The following REN variants were observed in gnomAD, a reference collection of about 807,000 sequenced individuals.
The protein encoded by REN is angiotensin-forming enzyme.
Under a neutral mutation model 48.6 loss-of-function variants are expected in REN, and 42 were observed. The ratio of observed to expected loss-of-function variants is 0.86; its 90% CI spans 0.68 to 1.12. REN has a LOEUF of 1.12. Ranked by LOEUF, REN falls within the 50% of genes most tolerant of loss-of-function variation. The pLI is 0.00. For missense variants in REN, 443 were observed against 527.3 expected (o/e 0.84, Z 1.57); for synonymous variants, 196 against 204.6 (o/e 0.96, Z 0.36).
chr1:204,164,814 C>T (rs571423731), intron 1 of REN, among the ~76,000 whole-genome samples: 23 of 152,076 alleles, frequency 1.5e-4, no homozygotes, highest in Admixed American at 5.2e-4. Flanking sequence ...GCGATCTGCC[C>T]ACCTCAGCCT....
At chr1:204,159,366 C>A in intron 5 of REN, 33 bp downstream of exon 5, 1 of 1,598,622 alleles carries the variant, frequency 6.3e-7, no homozygotes, top group East Asian at 2.2e-5. Context: ...CCTCCTGTCC[C>A]CCCACCTCAG....
chr1:204,155,992 G>A lies in REN; in HGVS notation c.961-74C>T, dbSNP rs1287754112. 2.1e-6 allele frequency: 3 copies of A among 1,453,246 alleles called. No homozygotes were observed. In the African/African-American group the frequency reaches 4.2e-5, roughly 20 times the overall value. 90.0% of individuals were successfully genotyped at this position (1,453,246 alleles called of 1,614,324 possible). A position where few individuals can be genotyped will look rare whatever the true frequency, so the allele number is the denominator to read the frequency against. ...GCAGACAAGGAGTCCTGCGCTGGTG[G>A]CCTGGTCTCTCTGCTGGAGAGGGCT... On this transcript the variant is annotated intron_variant, in intron 8 of 9. Transcript: ENST00000272190.
intron 1 of REN, 21 bp from the exon 2 acceptor site, chr1:204,162,184 C>T (rs1047454592): frequency 6.2e-7 from 1 of 1,613,534 alleles, no homozygotes; most frequent in African/African-American, 1.3e-5. Context: ...GTGGAGGAAG[C>T]AAAAATAGAA....
rs763754855 is a variant in REN at position 204,166,211 on chromosome 1, G to T, written c.83C>A (p.Thr28Asn). 5 of 1,614,010 alleles carry T rather than the reference G, an allele frequency of 3.1e-6. No homozygotes were observed. Among genetic ancestry groups the T allele is most frequent in the Non-Finnish European group, 4.2e-6 (5 of 1,179,978 alleles). ...GSCTFGLPTD[T>N]TTFKRIFLKR... ...TACCAATTACCGTTTAAAGGTGGTG[G>T]TGTCTGTCGGGAGACCAAAGGTACA... Residue 28 changes from threonine to asparagine, a missense_variant, in exon 1 of 10, where the codon ACC (threonine) becomes AAC (asparagine). Transcript: ENST00000272190.
chr1:204,161,415 TC>T lies in REN; in HGVS notation c.250-1del, dbSNP rs768026802. 1.3e-6 allele frequency: 2 copies of T among 1,554,126 alleles called. No homozygotes were observed. The highest frequency in any genetic ancestry group is 1.8e-5 in the Admixed American group (1 of 54,740). The stretch of plus-strand genomic sequence containing the variant: ...ATGCCAATCTCGCCATAGTACTGGG[TC>T]TGTGGGGGTAAAAAGAGAGGGCTGG... On this transcript the variant is annotated splice_acceptor_variant, in intron 2 of 9. Transcript: ENST00000272190. LOFTEE classifies it high-confidence loss of function.
chr1:204,154,826 A>T lies in REN; in HGVS notation c.*190T>A. On this transcript the variant is annotated 3_prime_UTR_variant, in exon 10 of 10. Coordinates refer to ENST00000272190, the MANE Select transcript of REN (RefSeq NM_000537.4). ...AACCCAGATGCAACAGGCTGTGAAC[A>T]TGAAGTCTTTATTCTCTTTGTCCTC... is the stretch of plus-strand genomic sequence containing the variant. 3.0e-6 allele frequency: 2 copies of T among 660,704 alleles called. No individual in the cohort carries two copies. Among genetic ancestry groups the T allele is most frequent in the Admixed American group, 4.7e-5 (2 of 42,278 alleles). The allele number at this position is 660,704 out of a possible 1,614,324, so 40.9% of individuals were successfully genotyped here. A position where few individuals can be genotyped will look rare whatever the true frequency, so the allele number is the denominator to read the frequency against.
Position 204,156,258 on chromosome 1 carries a change from C to A in REN, c.880G>T (p.Gly294Cys). Reference sequence around the variant, plus strand: ...GTAGAACCTGAGATGTAGGATGCACCGGTGTCTACCAATGCCAGGCAGCCG... The same window carrying A: ...GTAGAACCTGAGATGTAGGATGCACAGGTGTCTACCAATGCCAGGCAGCCG... ...EDGCLALVDT[G>C]ASYISGSTSS... The change falls in exon 8 of 10, where the codon GGT becomes TGT. Residue 294 changes from glycine (G) to cysteine (C), a missense_variant. By Grantham distance (159) the Gly-to-Cys change is radical (BLOSUM62 -3). Coordinates refer to ENST00000272190, the MANE Select transcript of REN (RefSeq NM_000537.4). The surrounding 1 kb of genome is among the most constrained non-coding windows in gnomAD (Gnocchi z 4.2). 6.2e-7 allele frequency: 1 copy of A among 1,614,162 alleles called. No homozygotes were observed. Among genetic ancestry groups the A allele is most frequent in the Middle Eastern group, 1.7e-4 (1 of 6,060 alleles).
In REN at chr1:204,154,881, G is replaced by C; in HGVS notation, c.*135C>G. ...CAGGGAAGGGCTGGTGCAGGGGTCA[G>C]GGCACGCATCCAGCAGGAGCTCCAC... On this transcript the variant is annotated 3_prime_UTR_variant, in exon 10 of 10. Coordinates refer to ENST00000272190, the MANE Select transcript of REN (RefSeq NM_000537.4). The C allele has an allele frequency of 2.0e-6, 2 of 994,320 alleles. No homozygotes were observed. Among genetic ancestry groups the C allele is most frequent in the South Asian group, 2.7e-5 (2 of 73,542 alleles). The allele number at this position is 994,320 out of a possible 1,614,324, so 61.6% of individuals were successfully genotyped here.
At chr1:204,160,758 T>A (rs1658230213) in intron 3 of REN, 80 bp from the exon 4 acceptor site, 2 of 1,007,682 alleles carry the variant, frequency 2.0e-6, no homozygotes, top group Non-Finnish European at 3.2e-6. Flanking sequence ...ATTGTGGGTA[T>A]GGCTGGTTAG....
chr1:204,161,466 T>C, intron 2 of REN, 51 bp from the exon 3 acceptor site: 2 of 1,402,846 alleles, frequency 1.4e-6, no homozygotes, highest in Non-Finnish European at 1.9e-6. Context: ...CCTTGGGTCT[T>C]GGGGTCTTGC....
intron 2 of REN, 80 bp downstream of exon 2, chr1:204,161,933 G>A (rs1658252706): frequency 2.2e-6 from 3 of 1,338,296 alleles, no homozygotes. Flanking sequence ...TGGAAAGGGT[G>A]AGTCTTGCAG....
At position 204,155,064 on chromosome 1, in the gene REN, T is replaced by C; in HGVS notation, c.1173A>G (p.Thr391=). ...TGCGGTTGTTACGCCGATCAAACTC[T>C]GTGTAGAACTTTCGGATGAAGGTGG... is the stretch of plus-strand genomic sequence containing the variant. The part of the protein sequence containing the change: ...LGATFIRKFY[T]EFDRRNNRIG... The change falls in exon 10 of 10, where the codon ACA becomes ACG. Residue 391 remains threonine, a synonymous_variant. Coordinates refer to ENST00000272190, the MANE Select transcript of REN (RefSeq NM_000537.4). 6.2e-7 allele frequency: 1 copy of C among 1,614,226 alleles called. No individual in the cohort carries two copies. The highest frequency in any genetic ancestry group is 8.5e-7 in the Non-Finnish European group (1 of 1,180,044).
intron 1 of REN, among the ~76,000 whole-genome samples, chr1:204,162,945 G>A (rs1211145224): frequency 1.3e-5 from 2 of 152,228 alleles, no homozygotes; most frequent in African/African-American, 2.4e-5. Flanking sequence ...ACACCAACAA[G>A]CTAGCTGTCA....
chr1:204,157,706 T>A (rs1182362008), intron 5 of REN, among the ~76,000 whole-genome samples: 1 of 152,264 alleles, frequency 6.6e-6, no homozygotes, highest in Non-Finnish European at 1.5e-5. Flanking sequence ...CACATGCACA[T>A]GTGTGCATGG....
intron 5 of REN, 31 bp downstream of exon 5, chr1:204,159,368 C>T (rs1558244516): frequency 5.0e-6 from 8 of 1,600,926 alleles, no homozygotes; most frequent in Non-Finnish European, 6.8e-6. Context: ...TCCTGTCCCC[C>T]CACCTCAGCC....
In REN at chr1:204,159,499, C is replaced by T. The variant is rs2102312800; in HGVS notation, c.589G>A (p.Gly197Ser). ...LAEFDGVVGM[G>S]FIEQAIGRVT... is the part of the protein sequence containing the mutation. ...CTGCCAATGGCCTGTTCAATGAAGC[C>T]CATGCCCACAACCCCATCAAACTCG... Residue 197 changes from glycine (G) to serine (S), a missense_variant, in exon 5 of 10, where the codon GGC becomes AGC. Physicochemically the swap from Gly to Ser is moderately conservative, Grantham distance 56 (BLOSUM62 0). Transcript: ENST00000272190. 1 of 1,614,142 alleles carries T rather than the reference C, an allele frequency of 6.2e-7. No homozygotes were observed. The highest frequency in any genetic ancestry group is 2.2e-5 in the East Asian group (1 of 44,868).
intron 1 of REN, among the ~76,000 whole-genome samples, chr1:204,165,848 A>G (rs898037988): frequency 1.6e-4 from 24 of 152,280 alleles, no homozygotes; most frequent in Non-Finnish European, 2.5e-4. Flanking sequence ...TCAGCCTCCC[A>G]AAGTGCTGGG....
chr1:204,162,059 G>A lies in REN; in HGVS notation c.203C>T (p.Thr68Ile), dbSNP rs920051455. ...PEWSQPMKRLTLGNTTSSVIL... is the reference protein window; with the variant it reads ...PEWSQPMKRLILGNTTSSVIL... ...CACGGAGGAGGTGGTGTTGCCAAGT[G>A]TCAGCCTCTTCATGGGTTGGCTCCA... Residue 68 changes from threonine to isoleucine, a missense_variant, in exon 2 of 10, where the codon ACA becomes ATA. Thr to Ile is a moderately conservative substitution (Grantham distance 89). Coordinates refer to ENST00000272190, the MANE Select transcript of REN (RefSeq NM_000537.4). 1.1e-5 allele frequency: 17 copies of A among 1,614,018 alleles called. No individual in the cohort carries two copies. The highest frequency in any genetic ancestry group is 1.4e-5 in the Non-Finnish European group (16 of 1,180,036).
At position 204,156,788 on chromosome 1, in the gene REN, T is replaced by C; in HGVS notation, c.707A>G (p.Gln236Arg). ...FYYNRDSENS[Q>R]SLGGQIVLGG... is the part of the protein sequence containing the mutation. ...CAGCACAATCTGTCCTCCCAGCGAT[T>C]GGGAATTCCTAAAGGAAAGATCAGA... Residue 236 changes from glutamine to arginine, a missense_variant, in exon 7 of 10, where the codon CAA becomes CGA. Transcript: ENST00000272190. The surrounding 1 kb of genome is among the most constrained non-coding windows in gnomAD (Gnocchi z 4.2). 6.2e-7 allele frequency: 1 copy of C among 1,614,060 alleles called. No homozygotes were observed. Among genetic ancestry groups the C allele is most frequent in the Non-Finnish European group, 8.5e-7 (1 of 1,180,022 alleles).
Sources: allele counts gnomAD v4.1 joint callset (sites outside exome capture counted in the v4.1 genomes callset), GRCh38; gene constraint gnomAD v4.1.1; non-coding constraint Gnocchi (gnomAD v3.1); transcripts MANE v1.5; gene names NCBI Gene and HGNC (gene_info 2026-07-23, HGNC 2026-07-21).